BRCA2: variants seen among roughly 807,000 people sequenced by gnomAD.
BRCA2 encodes breast cancer type 2 susceptibility protein.
In BRCA2, 203 loss-of-function variants were observed where a neutral mutation model predicts 276.7. The ratio of observed to expected loss-of-function variants is 0.73; its 90% CI spans 0.65 to 0.82. BRCA2 has a LOEUF of 0.82. Ranked by LOEUF, BRCA2 falls within the 40% of genes least tolerant of loss-of-function variation. The pLI, the probability that BRCA2 is intolerant of heterozygous loss-of-function variation, is 0.00. For missense variants in BRCA2, 3,920 were observed against 3,915.0 expected, an observed-to-expected ratio of 1.00 and a Z score of -0.03; for synonymous variants, 1,289 against 1,338.4, an observed-to-expected ratio of 0.96 and a Z score of 0.81.
At chr13:32,323,676 G>A (rs959311355) in intron 3 of BRCA2, among the ~76,000 whole-genome samples, 2 of 152,020 alleles carry the variant, frequency 1.3e-5, no homozygotes, top group Non-Finnish European at 2.9e-5. Context: ...TTTTAAATTT[G>A]GTCTTCACTT....
In BRCA2 at chr13:32,340,727, A is replaced by C. The variant is rs1593908412; in HGVS notation, c.6372A>C (p.Lys2124Asn). The C allele has an allele frequency of 1.2e-6, 2 of 1,605,890 alleles. No individual in the cohort carries two copies. The highest frequency in any genetic ancestry group is 8.5e-7 in the Non-Finnish European group (1 of 1,178,132). ...PEHCVNSEMEKTCSKEFKLSN... is the reference protein window; with the variant it reads ...PEHCVNSEMENTCSKEFKLSN... Reference sequence around the variant, plus strand: ...ACTGTGTAAACTCAGAAATGGAAAAAACCTGCAGTAAAGAATTTAAATTAT... The same window carrying C: ...ACTGTGTAAACTCAGAAATGGAAAACACCTGCAGTAAAGAATTTAAATTAT... The change falls in exon 11 of 27, where the codon AAA (lysine) becomes AAC (asparagine). Residue 2124 changes from lysine to asparagine, a missense_variant. Coordinates refer to ENST00000380152, the MANE Select transcript of BRCA2 (RefSeq NM_000059.4).
At chr13:32,351,102 C>T (rs558024764) in intron 13 of BRCA2, among the ~76,000 whole-genome samples, 124 of 152,322 alleles carry the variant, frequency 8.1e-4, no homozygotes, top group Non-Finnish European at 1.3e-3. Flanking sequence ...GCCACCTGAG[C>T]CAGCCCCAGC....
rs2137559203 is a variant in BRCA2 at position 32,355,296 on chromosome 13, A to G, written c.7435+8A>G. ...GTGAAGAAGAACCTTTAGGTATTGT[A>G]TGACAATTTGTGTGATGAATTTTTG... On this transcript the variant is annotated splice_region_variant and intron_variant, in intron 14 of 26. Coordinates refer to ENST00000380152, the MANE Select transcript of BRCA2 (RefSeq NM_000059.4). 1.2e-6 allele frequency: 2 copies of G among 1,613,488 alleles called. No individual in the cohort carries two copies. Among genetic ancestry groups the G allele is most frequent in the African/African-American group, 1.3e-5 (1 of 75,026 alleles).
At chr13:32,353,109 C>T (rs1003667814) in intron 13 of BRCA2, among the ~76,000 whole-genome samples, 1 of 152,182 alleles carries the variant, frequency 6.6e-6, no homozygotes, top group African/African-American at 2.4e-5. Context: ...ATTATCTTGT[C>T]TCTCTCCTGC....
At chr13:32,361,141 G>A (rs1055269265) in intron 16 of BRCA2, among the ~76,000 whole-genome samples, 1 of 152,174 alleles carries the variant, frequency 6.6e-6, no homozygotes, top group African/African-American at 2.4e-5. Flanking sequence ...GGACTTGAAG[G>A]CCATGAAAAA....
chr13:32,324,965 A>G (rs1351525364), intron 3 of BRCA2, 111 bp from the exon 4 acceptor site: 2 of 756,640 alleles, frequency 2.6e-6, no homozygotes, highest in African/African-American at 1.7e-5. Context: ...AACTCCCTAT[A>G]CATTCTCATT....
rs949790323 is a variant in BRCA2, at chr13:32,394,874, G to T, written c.9442G>T (p.Ala3148Ser). 4 of 1,613,910 alleles carry T rather than the reference G, an allele frequency of 2.5e-6. No individual in the cohort carries two copies. The highest frequency in any genetic ancestry group is 2.5e-6 in the Non-Finnish European group (3 of 1,179,972). The change falls in exon 25 of 27, where the codon GCT (alanine) becomes TCT (serine). Residue 3148 changes from alanine (A) to serine (S), a missense_variant. This residue lies in a region of BRCA2 where 657 missense variants were observed against 758.2 expected (regional missense o/e 0.87). Coordinates refer to ENST00000380152, the MANE Select transcript of BRCA2 (RefSeq NM_000059.4). ...TGCTGGAGATTTTTCTGTGTTTTCT[G>T]CTAGTCCAAAAGAGGGCCACTTTCA... Reference protein sequence around the residue: ...LFAGDFSVFSASPKEGHFQET... With the variant: ...LFAGDFSVFSSSPKEGHFQET...
At chr13:32,377,030 T>A (rs2072878659) in intron 21 of BRCA2, among the ~76,000 whole-genome samples, 1 of 152,208 alleles carries the variant, frequency 6.6e-6, no homozygotes. Flanking sequence ...AAATTTGGTT[T>A]AAAATGCAGG....
At chr13:32,334,496 C>T (rs1283546837) in intron 10 of BRCA2, among the ~76,000 whole-genome samples, 1 of 151,508 alleles carries the variant, frequency 6.6e-6, no homozygotes, top group Non-Finnish European at 1.5e-5. Flanking sequence ...GGCAACATAG[C>T]GAGACCCCAT....
intron 11 of BRCA2, among the ~76,000 whole-genome samples, chr13:32,342,891 T>C (rs1446426585): frequency 6.6e-6 from 1 of 151,866 alleles, no homozygotes; most frequent in African/African-American, 2.4e-5. Context: ...ACTAAAAATA[T>C]AAAAATTAGC....
At position 32,337,872 on chromosome 13, in the gene BRCA2, A is replaced by T. The variant is rs431825308; in HGVS notation, c.3517A>T (p.Ile1173Phe). 6.2e-7 allele frequency: 1 copy of T among 1,613,990 alleles called. No homozygotes were observed. Among genetic ancestry groups the T allele is most frequent in the Non-Finnish European group, 8.5e-7 (1 of 1,179,984 alleles). The stretch of plus-strand genomic sequence containing the variant: ...TCATGTCATAATGAATGCCCCATCG[A>T]TTGGTCAGGTAGACAGCAGCAAGCA... ...DLHVIMNAPS[I>F]GQVDSSKQFE... The change falls in exon 11 of 27, where the codon ATT becomes TTT. Residue 1173 changes from isoleucine to phenylalanine, a missense_variant. Physicochemically the swap from Ile to Phe is conservative, Grantham distance 21 (BLOSUM62 0). Coordinates refer to ENST00000380152, the MANE Select transcript of BRCA2 (RefSeq NM_000059.4).
intron 16 of BRCA2, among the ~76,000 whole-genome samples, chr13:32,360,515 G>A (rs571993911): frequency 3.3e-5 from 5 of 152,040 alleles, no homozygotes; most frequent in Admixed American, 1.3e-4. Context: ...GCGCACCACC[G>A]TGCCCGGCTG....
intron 26 of BRCA2, 109 bp from the exon 27 acceptor site, chr13:32,398,053 C>A: frequency 8.6e-7 from 1 of 1,167,636 alleles, no homozygotes; most frequent in Non-Finnish European, 1.2e-6. Flanking sequence ...GGGAGGGAGA[C>A]TGTGTGTAAT....
chr13:32,398,614 A>G lies in BRCA2; in HGVS notation c.10101A>G (p.Glu3367=), dbSNP rs2073055716. 1 of 1,613,808 alleles carries G rather than the reference A, an allele frequency of 6.2e-7. No homozygotes were observed. Among genetic ancestry groups the G allele is most frequent in the South Asian group, 1.1e-5 (1 of 91,084 alleles). The change falls in exon 27 of 27, where the codon GAA becomes GAG. Residue 3367 remains glutamate (E), a synonymous_variant. Coordinates refer to ENST00000380152, the MANE Select transcript of BRCA2 (RefSeq NM_000059.4). ...TGEKQFISVS[E]STRTAPTSSE... is the part of the protein sequence containing the mutation. Reference sequence around the variant, plus strand: ...AAAAACAATTTATATCTGTCAGTGAATCCACTAGGACTGCTCCCACCAGTT... The same window carrying G: ...AAAAACAATTTATATCTGTCAGTGAGTCCACTAGGACTGCTCCCACCAGTT...
Position 32,336,600 on chromosome 13 carries a change from A to G in BRCA2, c.2245A>G (p.Ser749Gly), listed in dbSNP as rs80358495. The G allele has an allele frequency of 1.3e-5, 21 of 1,614,102 alleles. No homozygotes were observed. Among genetic ancestry groups the G allele is most frequent in the Non-Finnish European group, 1.7e-5 (20 of 1,179,970 alleles). ...AGTACAACATTCAAAAGTGGAATAC[A>G]GTGATACTGACTTTCAATCCCAGAA... is the stretch of plus-strand genomic sequence containing the variant. ...HPVQHSKVEY[S>G]DTDFQSQKSL... is the part of the protein sequence containing the mutation. Residue 749 changes from serine to glycine, a missense_variant, in exon 11 of 27, where the codon AGT (serine) becomes GGT (glycine). This residue lies in a region of BRCA2 where 3,263 missense variants were observed against 3,156.9 expected (regional missense o/e 1.03). Transcript: ENST00000380152.
chr13:32,328,475 C>G (rs1424256129), intron 7 of BRCA2, among the ~76,000 whole-genome samples: 1 of 152,034 alleles, frequency 6.6e-6, no homozygotes, highest in African/African-American at 2.4e-5. Context: ...CTCCTGACCT[C>G]AAGTGATTCG....
intron 10 of BRCA2, among the ~76,000 whole-genome samples, chr13:32,335,743 A>G (rs2072442939): frequency 6.6e-6 from 1 of 152,192 alleles, no homozygotes; most frequent in African/African-American, 2.4e-5. Flanking sequence ...TATTAAAAAA[A>G]CAACTTAGGT....
intron 18 of BRCA2, among the ~76,000 whole-genome samples, chr13:32,368,957 C>T (rs2072808550): frequency 6.6e-6 from 1 of 151,622 alleles, no homozygotes; most frequent in Admixed American, 6.6e-5. Context: ...ACTACAGGCG[C>T]CTGCCACCAC....
In BRCA2 at chr13:32,333,169, C is replaced by T. The variant is rs775321015; in HGVS notation, c.1691C>T (p.Pro564Leu). 6.2e-7 allele frequency: 1 copy of T among 1,613,976 alleles called. No individual in the cohort carries two copies. The highest frequency in any genetic ancestry group is 2.2e-5 in the East Asian group (1 of 44,868). ...CPNLIDNGSW[P>L]ATTTQNSVAL... ...AATTTAATTGATAATGGAAGCTGGCCAGCCACCACCACACAGAATTCTGTA... is the reference window on the plus strand; with the variant it reads ...AATTTAATTGATAATGGAAGCTGGCTAGCCACCACCACACAGAATTCTGTA... The change falls in exon 10 of 27, where the codon CCA becomes CTA. Residue 564 changes from proline to leucine, a missense_variant. Physicochemically the swap from Pro to Leu is moderately conservative, Grantham distance 98. Around this residue, in one of 2 missense-constraint regions of BRCA2, gnomAD observed 3,263 missense variants for 3,156.9 expected, o/e 1.03. Coordinates refer to ENST00000380152, the MANE Select transcript of BRCA2 (RefSeq NM_000059.4).
Sources: gnomAD v4.1 joint callset for allele counts (sites outside exome capture counted in the v4.1 genomes callset) on GRCh38, gnomAD v4.1.1 for gene constraint, gnomAD v4.1.1 regional missense constraint, MANE v1.5 for transcripts, NCBI Gene and HGNC (gene_info 2026-07-23, HGNC 2026-07-21) for gene names.